The following AEBP2 variants were observed in gnomAD, a reference collection of about 807,000 sequenced individuals.
AEBP2 encodes the protein AE binding protein 2.
AEBP2 carries 10 observed loss-of-function variants against 50.8 expected under a neutral mutation model. The ratio of observed to expected loss-of-function variants is 0.20; its 90% CI spans 0.12 to 0.33. AEBP2 has a LOEUF of 0.33. Among genes scored for constraint, AEBP2 ranks in the 10% least tolerant of loss-of-function variants. The probability of loss-of-function intolerance (pLI) is 1.00; values close to 1 mark genes in which losing one functional copy is unlikely to be tolerated. For missense variants in AEBP2, 570 were observed against 688.0 expected, an observed-to-expected ratio of 0.83 and a Z score of 1.92; for synonymous variants, 296 against 261.3, an observed-to-expected ratio of 1.13 and a Z score of -1.28.
At chr12:19,417,113 C>T (rs1304647632) in intron 1 of AEBP2, among the ~76,000 whole-genome samples, 4 of 151,910 alleles carry the variant, frequency 2.6e-5, no homozygotes, top group African/African-American at 7.3e-5. Context: ...TCTCATGATC[C>T]GGCCCACCTC....
In AEBP2 at chr12:19,439,580, C is replaced by T; in HGVS notation, c.-120C>T. The T allele has an allele frequency of 7.4e-7, 1 of 1,343,218 alleles. No individual in the cohort carries two copies. The highest frequency in any genetic ancestry group is 1.4e-5 in the South Asian group (1 of 69,416). The allele number at this position is 1,343,218 out of a possible 1,614,324, so 83.2% of individuals were successfully genotyped here. A position where few individuals can be genotyped will look rare whatever the true frequency, so the allele number is the denominator to read the frequency against. Reference sequence around the variant, plus strand: ...AGGCTGACGCAGCTCGCGGGCCCTCCTCCTGCTCTGCAGCGGCGTCGGCGG... The same window carrying T: ...AGGCTGACGCAGCTCGCGGGCCCTCTTCCTGCTCTGCAGCGGCGTCGGCGG... On this transcript the variant is annotated 5_prime_UTR_variant, in exon 1 of 8. Coordinates refer to ENST00000266508, the MANE Select transcript of AEBP2 (RefSeq NM_153207.5).
intron 1 of AEBP2, among the ~76,000 whole-genome samples, chr12:19,428,195 C>T (rs1013479252): frequency 7.9e-5 from 12 of 152,070 alleles, no homozygotes; most frequent in South Asian, 2.1e-4. Context: ...GAGATTGCAC[C>T]ACTGCACTCC....
At chr12:19,467,964 A>G (rs1054867404) in intron 2 of AEBP2, among the ~76,000 whole-genome samples, 4 of 152,062 alleles carry the variant, frequency 2.6e-5, no homozygotes, top group African/African-American at 9.6e-5. Flanking sequence ...CCAGTTAACT[A>G]TAGCACTCAG....
intron 1 of AEBP2, among the ~76,000 whole-genome samples, chr12:19,456,064 G>A (rs931187256): frequency 2.0e-5 from 3 of 151,678 alleles, no homozygotes; most frequent in Non-Finnish European, 2.9e-5. Flanking sequence ...AAACTGCCAC[G>A]CGCAAAAAAG....
At chr12:19,502,119 T>C (rs1949090519) in intron 5 of AEBP2, among the ~76,000 whole-genome samples, 1 of 152,002 alleles carries the variant, frequency 6.6e-6, no homozygotes, top group Non-Finnish European at 1.5e-5. Flanking sequence ...TTATATATGT[T>C]TTCCTGTTAT....
At chr12:19,470,013 C>T (rs1374507345) in intron 2 of AEBP2, among the ~76,000 whole-genome samples, 1 of 152,058 alleles carries the variant, frequency 6.6e-6, no homozygotes, top group African/African-American at 2.4e-5. Context: ...AAATGTTTTT[C>T]AGATATTATA....
At chr12:19,478,844 T>C (rs1031483298) in intron 3 of AEBP2, among the ~76,000 whole-genome samples, 5 of 152,130 alleles carry the variant, frequency 3.3e-5, no homozygotes, top group Admixed American at 1.3e-4. Context: ...TTGATATAAT[T>C]TAGATTTTTT....
At chr12:19,432,266 C>G (rs2095751798) in intron 1 of AEBP2, among the ~76,000 whole-genome samples, 1 of 152,138 alleles carries the variant, frequency 6.6e-6, no homozygotes, top group Admixed American at 6.5e-5. Flanking sequence ...AAACAGAGCT[C>G]TGAGTAAAAA....
intron 5 of AEBP2, among the ~76,000 whole-genome samples, chr12:19,504,784 A>T (rs1195279250): frequency 6.6e-6 from 1 of 152,150 alleles, no homozygotes; most frequent in African/African-American, 2.4e-5. Context: ...AACTTTATTT[A>T]AAAAAAGGCA....
intron 1 of AEBP2, among the ~76,000 whole-genome samples, chr12:19,459,944 C>T (rs1050100393): frequency 6.6e-6 from 1 of 152,150 alleles, no homozygotes; most frequent in South Asian, 2.1e-4. Flanking sequence ...AAAATTAGCT[C>T]GGTGCAGTGG....
intron 3 of AEBP2, among the ~76,000 whole-genome samples, chr12:19,493,111 T>A (rs2120448415): frequency 6.6e-6 from 1 of 152,234 alleles, no homozygotes; most frequent in South Asian, 2.1e-4. Context: ...AAAAAATACT[T>A]TAAAAATCCA....
chr12:19,449,480 T>A (rs1185624306), intron 1 of AEBP2, among the ~76,000 whole-genome samples: 1 of 152,216 alleles, frequency 6.6e-6, no homozygotes, highest in Non-Finnish European at 1.5e-5. Flanking sequence ...TAAAGTAATG[T>A]GCTCAGTGCG....
intron 5 of AEBP2, among the ~76,000 whole-genome samples, chr12:19,500,645 T>C (rs1254168609): frequency 6.6e-6 from 1 of 152,132 alleles, no homozygotes; most frequent in Non-Finnish European, 1.5e-5. Flanking sequence ...CACGTACCCA[T>C]CCAAAGTTTA....
chr12:19,502,343 A>C lies in AEBP2; in HGVS notation c.1299+2122A>C, dbSNP rs1483717848. Among the ~76,000 whole-genome samples the C allele has an allele frequency of 2.0e-5, 3 of 152,254 alleles. No individual in the cohort carries two copies. The East Asian group carries it at 5.8e-4, about 30-fold the overall frequency. On this transcript the variant is annotated intron_variant, in intron 5 of 7. Coordinates refer to ENST00000266508, the MANE Select transcript of AEBP2 (RefSeq NM_153207.5). ...GAGATGGGGTTTTGCCATGTTGGCC[A>C]GGCTGGTATTGAACTCCTGACCTCA... is the stretch of plus-strand genomic sequence containing the variant.
intron 6 of AEBP2, among the ~76,000 whole-genome samples, chr12:19,513,067 ACT>A (rs1375916186): frequency 6.6e-5 from 10 of 152,094 alleles, no homozygotes; most frequent in Non-Finnish European, 1.3e-4. Context: ...CATCAGTGAG[ACT>A]CTGTCTCAAA....
chr12:19,480,567 A>G (rs1477960319), intron 3 of AEBP2, among the ~76,000 whole-genome samples: 2 of 152,182 alleles, frequency 1.3e-5, no homozygotes, highest in African/African-American at 4.8e-5. Context: ...TGCTGGATAC[A>G]ATATTCTTGG....
chr12:19,465,094 T>C (rs922594230), intron 2 of AEBP2, among the ~76,000 whole-genome samples: 4 of 151,974 alleles, frequency 2.6e-5, no homozygotes, highest in Non-Finnish European at 5.9e-5. Context: ...TCTAGCTGAT[T>C]TTAAGAGTGA....
rs1220937518 is a variant in AEBP2 at position 19,520,697 on chromosome 12, T to G, written c.*2580T>G. The stretch of plus-strand genomic sequence containing the variant: ...CAGCTCACAAGCATACCCATTTATA[T>G]GTTGTCTATGCCTGCTTTCTCCTGC... On this transcript the variant is annotated 3_prime_UTR_variant, in exon 8 of 8. Transcript: ENST00000266508. 2.0e-5 allele frequency: 3 copies of G among 152,208 alleles called. No homozygotes were observed. The highest frequency in any genetic ancestry group is 7.2e-5 in the African/African-American group (3 of 41,450). The allele number at this position is 152,208 out of a possible 1,614,324, so 9.4% of individuals were successfully genotyped here. A position where few individuals can be genotyped will look rare whatever the true frequency, so the allele number is the denominator to read the frequency against.
chr12:19,423,328 G>A (rs2095746840), intron 1 of AEBP2, among the ~76,000 whole-genome samples: 2 of 152,082 alleles, frequency 1.3e-5, no homozygotes, highest in African/African-American at 4.8e-5. Context: ...AGCCTCTGCT[G>A]ACAGATCTGA....
Sources: allele counts gnomAD v4.1 joint callset (sites outside exome capture counted in the v4.1 genomes callset), GRCh38; gene constraint gnomAD v4.1.1; transcripts MANE v1.5; gene names NCBI Gene and HGNC (gene_info 2026-07-23, HGNC 2026-07-21).